ELP1: variants seen among roughly 807,000 people sequenced by gnomAD.
ELP1 encodes the protein elongator acetyltransferase complex subunit 1.
A neutral mutation model predicts 183.2 loss-of-function variants in ELP1; 131 were observed. The observed-to-expected ratio is 0.72, with a 90% CI of 0.62 to 0.83. The LOEUF (loss-of-function observed/expected upper bound fraction) is 0.83, where lower values mean the gene tolerates loss of function less well. Ranked by LOEUF, ELP1 falls within the 40% of genes least tolerant of loss-of-function variation. The pLI, the probability that ELP1 is intolerant of heterozygous loss-of-function variation, is 0.00. For synonymous variants in ELP1, 555 were observed against 569.0 expected, an observed-to-expected ratio of 0.98 and a Z score of 0.35; for missense variants, 1,550 against 1,594.9, an observed-to-expected ratio of 0.97 and a Z score of 0.48.
intron 3 of ELP1, 25 bp downstream of exon 3, chr9:108,929,744 C>T: frequency 6.2e-7 from 1 of 1,611,888 alleles, no homozygotes; most frequent in Non-Finnish European, 8.5e-7. Flanking sequence ...TTGAGACTCC[C>T]CCCTCACTGG....
At chr9:108,904,338 A>C (rs573150524) in intron 14 of ELP1, among the ~76,000 whole-genome samples, 24 of 149,776 alleles carry the variant, frequency 1.6e-4, no homozygotes, top group African/African-American at 5.4e-4. Flanking sequence ...TCAACCTCCT[A>C]GGCTCAAGTG....
At chr9:108,875,540 A>G (rs1437968755) in intron 35 of ELP1, 1 of 295,054 alleles carries the variant, frequency 3.4e-6, no homozygotes, top group African/African-American at 2.2e-5. Context: ...CACTCACGGT[A>G]TCCTGCACAT....
chr9:108,920,158 G>A (rs374409567), intron 6 of ELP1, among the ~76,000 whole-genome samples: 8 of 152,130 alleles, frequency 5.3e-5, no homozygotes, highest in African/African-American at 1.7e-4. Flanking sequence ...TAGATGGCAA[G>A]CAGGGTATTA....
intron 9 of ELP1, 61 bp from the exon 10 acceptor site, chr9:108,916,358 T>C (rs961140826): frequency 2.4e-6 from 3 of 1,267,246 alleles, no homozygotes; most frequent in Admixed American, 3.4e-5. Context: ...CAAATCTTTA[T>C]AATAGCTGTA....
At chr9:108,878,391 G>A (rs763855808) in intron 34 of ELP1, among the ~76,000 whole-genome samples, 1 of 152,192 alleles carries the variant, frequency 6.6e-6, no homozygotes, top group Non-Finnish European at 1.5e-5. Flanking sequence ...CCTGGCCTAA[G>A]CATCTCTCCC....
intron 22 of ELP1, among the ~76,000 whole-genome samples, chr9:108,898,138 G>A (rs989595699): frequency 6.6e-6 from 1 of 152,160 alleles, no homozygotes; most frequent in Non-Finnish European, 1.5e-5. Flanking sequence ...TTGCTTACTG[G>A]ACAATTCTCT....
At chr9:108,904,289 G>A (rs1564090684) in intron 14 of ELP1, among the ~76,000 whole-genome samples, 1 of 143,382 alleles carries the variant, frequency 7.0e-6, no homozygotes, top group Non-Finnish European at 1.5e-5. Context: ...TGTTGCCCAG[G>A]TTGAAATGCA....
At chr9:108,880,978 T>C (rs1827907256) in intron 31 of ELP1, among the ~76,000 whole-genome samples, 1 of 152,208 alleles carries the variant, frequency 6.6e-6, no homozygotes, top group African/African-American at 2.4e-5. Flanking sequence ...GAACTTAAAA[T>C]CAACCACTCC....
chr9:108,911,260 T>A (rs1385574752), intron 11 of ELP1, 80 bp from the exon 12 acceptor site: 1 of 1,321,562 alleles, frequency 7.6e-7, no homozygotes, highest in Non-Finnish European at 1.1e-6. Context: ...TCACAGTATA[T>A]CTAAACAATA....
chr9:108,872,827 A>AAAAAC (rs1827534764), intron 36 of ELP1, among the ~76,000 whole-genome samples: 1 of 107,968 alleles, frequency 9.3e-6, no homozygotes, highest in East Asian at 3.2e-4. Flanking sequence ...AAAAAAAAAA[A>AAAAAC]AAAAAAAAAA....
Position 108,899,862 on chromosome 9 carries a change from G to A in ELP1, c.2164C>T (p.Arg722Ter), listed in dbSNP as rs1460858565. The A allele has an allele frequency of 2.5e-6, 4 of 1,613,888 alleles. No individual in the cohort carries two copies. The highest frequency in any genetic ancestry group is 4.5e-5 in the East Asian group (2 of 44,886). ...CGAATCTGAGCTAAAACCAGGGCTC[G>A]ATGATGAACAACTTCTAAGTTTCCC... Reference protein sequence around the residue: ...PRGNLEVVHHRALVLAQIRKW... With the variant: ...PRGNLEVVHH The change falls in exon 20 of 37, where the codon CGA becomes TGA. Residue 722 changes from arginine (R) to a stop codon, truncating the protein, a stop_gained. Coordinates refer to ENST00000374647, the MANE Select transcript of ELP1 (RefSeq NM_003640.5). LOFTEE classifies it high-confidence loss of function.
At chr9:108,897,455 A>G (rs1323059125) in intron 22 of ELP1, among the ~76,000 whole-genome samples, 170 bp from the exon 23 acceptor site, 1 of 152,222 alleles carries the variant, frequency 6.6e-6, no homozygotes, top group Admixed American at 6.5e-5. Flanking sequence ...ACTTATACAA[A>G]TGTTTGTAGA....
intron 3 of ELP1, among the ~76,000 whole-genome samples, chr9:108,929,433 G>A (rs193151297): frequency 6.6e-6 from 1 of 152,180 alleles, no homozygotes; most frequent in Non-Finnish European, 1.5e-5. Context: ...TTCCTAAATT[G>A]AGAAACAAAG....
intron 3 of ELP1, among the ~76,000 whole-genome samples, chr9:108,928,598 T>C (rs1829894407): frequency 6.6e-6 from 1 of 152,038 alleles, no homozygotes. Context: ...TAAAAAGGAA[T>C]GTGGGGAACA....
At chr9:108,870,460 T>C (rs1827406789) in intron 36 of ELP1, among the ~76,000 whole-genome samples, 1 of 152,168 alleles carries the variant, frequency 6.6e-6, no homozygotes, top group South Asian at 2.1e-4. Context: ...TTACTATTCA[T>C]TAAATGGAAG....
Position 108,908,406 on chromosome 9 carries a change from T to G in ELP1, c.1361-2A>C, listed in dbSNP as rs1218081674. The G allele has an allele frequency of 6.2e-7, 1 of 1,611,856 alleles. No individual in the cohort carries two copies. The highest frequency in any genetic ancestry group is 1.7e-5 in the Admixed American group (1 of 59,960). ...TAGGGTCAGCACTTGGACAATCACC[T>G]GGAAAACAAAAATGCAAATATTATC... On this transcript the variant is annotated splice_acceptor_variant, in intron 12 of 36. Coordinates refer to ENST00000374647, the MANE Select transcript of ELP1 (RefSeq NM_003640.5). LOFTEE classifies it high-confidence loss of function.
intron 1 of ELP1, among the ~76,000 whole-genome samples, chr9:108,933,400 C>G (rs891857309): frequency 6.6e-6 from 1 of 152,208 alleles, no homozygotes; most frequent in Non-Finnish European, 1.5e-5. Context: ...CTGAAGATTA[C>G]TCAGCCACTG....
rs1044141797 is a variant in ELP1, at chr9:108,916,185, G to T, written c.958+19C>A. 3.7e-5 allele frequency: 59 copies of T among 1,581,330 alleles called. No homozygotes were observed. Among genetic ancestry groups the T allele is most frequent in the Non-Finnish European group, 4.8e-5 (55 of 1,150,190 alleles). On this transcript the variant is annotated intron_variant, in intron 10 of 36. Transcript: ENST00000374647. ...TACGTTTTATGGGGCAGAAGGCTGG[G>T]GTACTACAGCTGTCTTACCACAGGT... is the stretch of plus-strand genomic sequence containing the variant.
Position 108,881,756 on chromosome 9 carries a change from A to G in ELP1, c.3295T>C (p.Tyr1099His). 1 of 1,556,830 alleles carries G rather than the reference A, an allele frequency of 6.4e-7. No individual in the cohort carries two copies. Among genetic ancestry groups the G allele is most frequent in the Non-Finnish European group, 8.9e-7 (1 of 1,128,138 alleles). ...WEEALRLVYK[Y>H]NRLDIIETNV... ...GTTTCTATAATATCCAGTCTGTTAT[A>G]TTTGTATACCTAGAAGGAAAAACAC... is the stretch of plus-strand genomic sequence containing the variant. The change falls in exon 31 of 37, where the codon TAT (tyrosine) becomes CAT (histidine). Residue 1099 changes from tyrosine to histidine, a missense_variant. Coordinates refer to ENST00000374647, the MANE Select transcript of ELP1 (RefSeq NM_003640.5).
Sources: gnomAD v4.1 joint callset for allele counts (sites outside exome capture counted in the v4.1 genomes callset) on GRCh38, gnomAD v4.1.1 for gene constraint, MANE v1.5 for transcripts, NCBI Gene and HGNC (gene_info 2026-07-23, HGNC 2026-07-21) for gene names.